Variants in NNT observed in about 807,000 individuals in gnomAD.
NNT encodes NAD(P) transhydrogenase, mitochondrial.
A neutral mutation model predicts 104.8 loss-of-function variants in NNT; 50 were observed. The observed-to-expected ratio is 0.48, with a 90% CI of 0.38 to 0.60. The LOEUF (loss-of-function observed/expected upper bound fraction) is 0.60. Ranked by LOEUF, NNT falls within the 20% of genes least tolerant of loss-of-function variation. NNT has a pLI of 0.00. For synonymous variants in NNT, 461 were observed against 490.4 expected, an observed-to-expected ratio of 0.94 and a Z score of 0.79; for missense variants, 1,131 against 1,330.7, an observed-to-expected ratio of 0.85 and a Z score of 2.33.
At chr5:43,619,149 A>G in intron 5 of NNT, 30 bp downstream of exon 5, 3 of 1,302,962 alleles carry the variant, frequency 2.3e-6, no homozygotes, top group South Asian at 1.6e-5. Flanking sequence ...TTTCTTTATA[A>G]TATGCATTGA....
intron 2 of NNT, 83 bp downstream of exon 2, chr5:43,609,429 C>A: frequency 7.1e-7 from 1 of 1,414,578 alleles, no homozygotes; most frequent in Non-Finnish European, 9.7e-7. Context: ...AAGGAAAAGC[C>A]ATGTAGTTTT....
At chr5:43,691,070 A>AGTGT (rs56075202) in intron 19 of NNT, among the ~76,000 whole-genome samples, 10,224 of 137,318 alleles carry the variant, frequency 0.074, 363 homozygotes, top group Middle Eastern at 0.12. Flanking sequence ...TTTTTGAGAG[A>AGTGT]GTGTGTGTGT....
intron 19 of NNT, among the ~76,000 whole-genome samples, chr5:43,690,532 C>T (rs988485329): frequency 1.7e-4 from 26 of 152,108 alleles, no homozygotes; most frequent in Non-Finnish European, 3.1e-4. Context: ...ACTTTTAATA[C>T]CTCAAAAGAG....
intron 19 of NNT, among the ~76,000 whole-genome samples, chr5:43,681,587 A>G (rs1471971543): frequency 6.6e-6 from 1 of 151,954 alleles, no homozygotes; most frequent in East Asian, 1.9e-4. Flanking sequence ...TTTGGTAGAG[A>G]CGGGGTTTCG....
chr5:43,644,778 C>A lies in NNT; in HGVS notation c.1266C>A (p.Val422=). The A allele has an allele frequency of 6.2e-7, 1 of 1,613,830 alleles. No homozygotes were observed. The highest frequency in any genetic ancestry group is 1.1e-5 in the South Asian group (1 of 91,054). The change falls in exon 9 of 22, where the codon GTC becomes GTA. Residue 422 remains valine, a synonymous_variant. Coordinates refer to ENST00000344920, the MANE Select transcript of NNT (RefSeq NM_182977.3). ...TTGACTTTGGTACGATGGGTCATGT[C>A]ATTAGAGGAACTGTAGTGATGAAAG... The part of the protein sequence containing the change: ...DDFDFGTMGH[V]IRGTVVMKDG...
At chr5:43,638,602 ATAT>A (rs1751058439) in intron 7 of NNT, among the ~76,000 whole-genome samples, 2 of 150,742 alleles carry the variant, frequency 1.3e-5, no homozygotes. Flanking sequence ...TCTATAATTC[ATAT>A]TATTTATTTG....
Position 43,704,470 on chromosome 5 carries a change from T to C in NNT, c.*66T>C. 1 of 1,529,442 alleles carries C rather than the reference T, an allele frequency of 6.5e-7. No homozygotes were observed. The highest frequency in any genetic ancestry group is 1.1e-5 in the South Asian group (1 of 87,788). The allele number at this position is 1,529,442 out of a possible 1,614,324, so 94.7% of individuals were successfully genotyped here. On this transcript the variant is annotated 3_prime_UTR_variant, in exon 22 of 22. Coordinates refer to ENST00000344920, the MANE Select transcript of NNT (RefSeq NM_182977.3). ...CAGTTTTGGGAACAGGCAAATAAAG[T>C]ATCAGTATACATGGTGATGTACATC... is the stretch of plus-strand genomic sequence containing the variant.
At chr5:43,652,807 T>A (rs1407431494) in intron 13 of NNT, among the ~76,000 whole-genome samples, 1 of 152,206 alleles carries the variant, frequency 6.6e-6, no homozygotes, top group Non-Finnish European at 1.5e-5. Flanking sequence ...TTAGATCCAG[T>A]AATGACTCCA....
At chr5:43,693,959 G>A (rs1030752516) in intron 19 of NNT, among the ~76,000 whole-genome samples, 1 of 152,052 alleles carries the variant, frequency 6.6e-6, no homozygotes, top group Non-Finnish European at 1.5e-5. Context: ...GTTTCTACTT[G>A]CTATCAGTGC....
chr5:43,632,001 A>G (rs1013633069), intron 7 of NNT, among the ~76,000 whole-genome samples: 1 of 152,028 alleles, frequency 6.6e-6, no homozygotes, highest in African/African-American at 2.4e-5. Flanking sequence ...GAAGAAAGAA[A>G]AAAGTGAATT....
rs141161542 is a variant in NNT at position 43,658,312 on chromosome 5, T to C, written c.2455-859T>C. ...GGCTTAAATGAGTAATACATGAATA[T>C]GCTCTCATTGTAACAAACAAAAAAA... On this transcript the variant is annotated intron_variant, in intron 16 of 21. Transcript: ENST00000344920. Among the ~76,000 whole-genome samples the C allele has an allele frequency of 5.2e-4, 79 of 152,324 alleles. No individual in the cohort carries two copies. In the East Asian group the frequency reaches 0.015, roughly 29 times the overall value.
chr5:43,636,913 T>C (rs1750957994), intron 7 of NNT, among the ~76,000 whole-genome samples: 1 of 152,204 alleles, frequency 6.6e-6, no homozygotes, highest in South Asian at 2.1e-4. Context: ...CTTCTTTAAA[T>C]AGATCTTTAG....
chr5:43,665,813 CG>C lies in NNT; in HGVS notation c.2634+6464del, dbSNP rs1388554350. Reference sequence around the variant, plus strand: ...CCCAGACGGGGCAGCCAGGCAGAGGCGCACCCCACCTCCTGGACGGGGTGGC... The same window carrying C: ...CCCAGACGGGGCAGCCAGGCAGAGGCCACCCCACCTCCTGGACGGGGTGGC... On this transcript the variant is annotated intron_variant, in intron 17 of 21. Coordinates refer to ENST00000344920, the MANE Select transcript of NNT (RefSeq NM_182977.3). Among the ~76,000 whole-genome samples the C allele has an allele frequency of 3.4e-4, 31 of 90,464 alleles. 7 individuals carry two copies. The highest frequency in any genetic ancestry group is 5.6e-4 in the Admixed American group (5 of 8,852). 59.3% of individuals were successfully genotyped at this position (90,464 alleles called of 152,430 possible). A position where few individuals can be genotyped will look rare whatever the true frequency, so the allele number is the denominator to read the frequency against.
rs532171330 is a variant in NNT, at chr5:43,665,796, G to A, written c.2634+6446G>A. 6.0e-4 allele frequency among the ~76,000 whole-genome samples: 82 copies of A among 136,050 alleles called. 3 individuals carry two copies. The highest frequency in any genetic ancestry group is 2.0e-3 in the African/African-American group (81 of 40,238). 89.3% of individuals were successfully genotyped at this position (136,050 alleles called of 152,430 possible). On this transcript the variant is annotated intron_variant, in intron 17 of 21. Coordinates refer to ENST00000344920, the MANE Select transcript of NNT (RefSeq NM_182977.3). Reference sequence around the variant, plus strand: ...GGCAGAGGGGCTCACTTCCCAGACGGGGCAGCCAGGCAGAGGCGCACCCCA... The same window carrying A: ...GGCAGAGGGGCTCACTTCCCAGACGAGGCAGCCAGGCAGAGGCGCACCCCA...
intron 10 of NNT, 54 bp from the exon 11 acceptor site, chr5:43,649,093 T>C (rs568521227): frequency 6.3e-7 from 1 of 1,583,936 alleles, no homozygotes; most frequent in African/African-American, 1.3e-5. Flanking sequence ...GCTTTTAATC[T>C]TACTGAGATA....
intron 19 of NNT, among the ~76,000 whole-genome samples, chr5:43,685,644 C>T (rs1741949564): frequency 6.6e-6 from 1 of 152,096 alleles, no homozygotes; most frequent in African/African-American, 2.4e-5. Context: ...ATTAAACATT[C>T]TTAATAGTTT....
chr5:43,628,527 C>A, intron 7 of NNT, 140 bp downstream of exon 7: 4 of 581,556 alleles, frequency 6.9e-6, no homozygotes, highest in Non-Finnish European at 1.1e-5. Flanking sequence ...TACTAGAAAA[C>A]GAGAAAATAT....
At chr5:43,655,072 C>T (rs1002912448) in intron 14 of NNT, among the ~76,000 whole-genome samples, 5 of 152,146 alleles carry the variant, frequency 3.3e-5, no homozygotes, top group Non-Finnish European at 5.9e-5. Context: ...GACTTTGCTC[C>T]CACCTACCCA....
intron 17 of NNT, among the ~76,000 whole-genome samples, chr5:43,664,223 T>C (rs1356069283): frequency 1.3e-5 from 2 of 152,228 alleles, no homozygotes; most frequent in Non-Finnish European, 2.9e-5. Context: ...AAATATCATA[T>C]AGACATTAAC....
Sources: allele counts gnomAD v4.1 joint callset (sites outside exome capture counted in the v4.1 genomes callset), GRCh38; gene constraint gnomAD v4.1.1; transcripts MANE v1.5; gene names NCBI Gene and HGNC (gene_info 2026-07-23, HGNC 2026-07-21).